The following IL1RAPL2 variants were observed in gnomAD, a reference collection of about 807,000 sequenced individuals.
IL1RAPL2 encodes the protein X-linked interleukin-1 receptor accessory protein-like 2.
Under a neutral mutation model 44.1 loss-of-function variants are expected in IL1RAPL2, and 3 were observed. That is an observed-to-expected ratio of 0.07 (90% confidence interval 0.03 to 0.18). The LOEUF (loss-of-function observed/expected upper bound fraction) is 0.18. Ranked by LOEUF, IL1RAPL2 falls within the 10% of genes least tolerant of loss-of-function variation. The probability of loss-of-function intolerance (pLI) is 1.00; values close to 1 mark genes in which losing one functional copy is unlikely to be tolerated. For missense variants in IL1RAPL2, 391 were observed against 496.4 expected, an observed-to-expected ratio of 0.79 and a Z score of 2.02; for synonymous variants, 181 against 178.8, an observed-to-expected ratio of 1.01 and a Z score of -0.10.
Position 105,748,953 on chromosome X carries a change from G to A in IL1RAPL2, c.1049-7G>A, listed in dbSNP as rs768899107. 3.7e-5 allele frequency: 44 copies of A among 1,204,435 alleles called. No homozygotes were observed. The highest frequency in any genetic ancestry group is 4.4e-5 in the Non-Finnish European group (39 of 891,726). On this transcript the variant is annotated splice_region_variant and splice_polypyrimidine_tract_variant and intron_variant, in intron 8 of 10. Coordinates refer to ENST00000372582, the MANE Select transcript of IL1RAPL2 (RefSeq NM_017416.2). The stretch of plus-strand genomic sequence containing the variant: ...TTACCTTTTCCTGTTTATTCTGTTC[G>A]CTCCAGATTTAATCTATAAAATTGA...
chrX:105,091,113 A>T (rs1227113044), intron 2 of IL1RAPL2, among the ~76,000 whole-genome samples: 1 of 112,148 alleles, frequency 8.9e-6, no homozygotes, highest in Non-Finnish European at 1.9e-5. Context: ...CTCGTATTCT[A>T]AGTAAAAGGA....
At position 105,767,688 on chromosome X, in the gene IL1RAPL2, C is replaced by T; in HGVS notation, c.*27C>T. 1 of 1,031,498 alleles carries T rather than the reference C, an allele frequency of 9.7e-7. No individual in the cohort carries two copies. The highest frequency in any genetic ancestry group is 2.0e-5 in the South Asian group (1 of 49,330). 85.0% of individuals were successfully genotyped at this position (1,031,498 alleles called of 1,213,427 possible). Reference sequence around the variant, plus strand: ...GAAAAATCTGAATTCCTCTGAACAGCTAGATAAGCATAGAGAATTTCTGTT... The same window carrying T: ...GAAAAATCTGAATTCCTCTGAACAGTTAGATAAGCATAGAGAATTTCTGTT... On this transcript the variant is annotated 3_prime_UTR_variant, in exon 11 of 11. Coordinates refer to ENST00000372582, the MANE Select transcript of IL1RAPL2 (RefSeq NM_017416.2).
chrX:105,498,708 A>G (rs1250366703), intron 6 of IL1RAPL2, among the ~76,000 whole-genome samples: 1 of 112,049 alleles, frequency 8.9e-6, no homozygotes, highest in East Asian at 2.8e-4. Context: ...GAACAACGGA[A>G]CAAAATTAAA....
At chrX:105,447,819 AATATATATAAATATATTAT>A (rs2035982474) in intron 5 of IL1RAPL2, among the ~76,000 whole-genome samples, 1 of 91,548 alleles carries the variant, frequency 1.1e-5, no homozygotes, top group African/African-American at 4.1e-5. Context: ...TAAATATATA[AATATATATAAATATATTAT>A]ACATATAAAT....
chrX:104,634,700 G>T, intron 1 of IL1RAPL2, among the ~76,000 whole-genome samples: 1 of 111,342 alleles, frequency 9.0e-6, no homozygotes, highest in Non-Finnish European at 1.9e-5. Flanking sequence ...TTGCTTGGTA[G>T]ATATTCCTCC....
chrX:105,506,774 T>C (rs1259980631), intron 6 of IL1RAPL2, among the ~76,000 whole-genome samples: 5 of 111,985 alleles, frequency 4.5e-5, no homozygotes, highest in African/African-American at 1.6e-4. Flanking sequence ...TATTTCAAAC[T>C]GAGGAGCTCT....
chrX:105,383,919 G>A (rs1425267262), intron 5 of IL1RAPL2, among the ~76,000 whole-genome samples: 1 of 111,633 alleles, frequency 9.0e-6, no homozygotes, highest in Non-Finnish European at 1.9e-5. Context: ...TTTGAAATAT[G>A]TCTATTAGGA....
chrX:105,321,555 T>G (rs6621962), intron 5 of IL1RAPL2, among the ~76,000 whole-genome samples: 1 of 111,692 alleles, frequency 9.0e-6, no homozygotes, highest in African/African-American at 3.3e-5. Context: ...GCCCTGTGCA[T>G]CTGCACAGAT....
chrX:105,239,077 A>G (rs1215691083), intron 4 of IL1RAPL2, among the ~76,000 whole-genome samples: 2 of 111,617 alleles, frequency 1.8e-5, no homozygotes, highest in African/African-American at 6.5e-5. Context: ...AATGAGCTAA[A>G]GAGTCTACTC....
chrX:104,878,784 G>T (rs950564567), intron 2 of IL1RAPL2, among the ~76,000 whole-genome samples: 3 of 111,367 alleles, frequency 2.7e-5, no homozygotes, highest in Non-Finnish European at 5.7e-5. Flanking sequence ...TTTCTGGAAG[G>T]ATAATTCTAA....
chrX:104,574,615 T>G (rs1053702942), intron 1 of IL1RAPL2, among the ~76,000 whole-genome samples: 4 of 112,362 alleles, frequency 3.6e-5, no homozygotes, highest in African/African-American at 1.3e-4. Context: ...CATTAATGTT[T>G]CATTTATACT....
At chrX:105,472,038 A>G (rs1371874212) in intron 5 of IL1RAPL2, among the ~76,000 whole-genome samples, 1 of 102,983 alleles carries the variant, frequency 9.7e-6, no homozygotes, top group Non-Finnish European at 2.0e-5. Context: ...CTAGGGAATA[A>G]TGGGATGAGG....
rs372150071 is a variant in IL1RAPL2, at chrX:104,887,630, C to A, written c.82+228635C>A. On this transcript the variant is annotated intron_variant, in intron 2 of 10. Transcript: ENST00000372582. ...TACCAGGCACTACTCCTTGAGGGAC[C>A]AGTGCTTCAAATACATACTTGTGTG... 1.6e-4 allele frequency among the ~76,000 whole-genome samples: 18 copies of A among 111,922 alleles called. No individual in the cohort carries two copies. The East Asian group carries it at 3.9e-3, about 25-fold the overall frequency.
At chrX:104,858,144 A>C (rs1474377603) in intron 2 of IL1RAPL2, among the ~76,000 whole-genome samples, 2 of 111,062 alleles carry the variant, frequency 1.8e-5, no homozygotes, top group African/African-American at 6.5e-5. Flanking sequence ...ATAAATCAAA[A>C]TGGTCTTTGA....
intron 6 of IL1RAPL2, among the ~76,000 whole-genome samples, chrX:105,597,627 C>T (rs2037221149): frequency 9.0e-6 from 1 of 111,303 alleles, no homozygotes; most frequent in Non-Finnish European, 1.9e-5. Context: ...GACCAGACGT[C>T]ATGAGGATAG....
At chrX:105,236,083 T>C (rs143160846) in intron 4 of IL1RAPL2, among the ~76,000 whole-genome samples, 2 of 112,558 alleles carry the variant, frequency 1.8e-5, no homozygotes, top group African/African-American at 6.4e-5. Flanking sequence ...TTTATTTTAA[T>C]TTTATGGTTG....
intron 1 of IL1RAPL2, among the ~76,000 whole-genome samples, chrX:104,634,927 C>T (rs767207585): frequency 9.0e-6 from 1 of 111,588 alleles, no homozygotes; most frequent in South Asian, 3.8e-4. Flanking sequence ...GATGCAGTTC[C>T]TTCCTAGCCT....
intron 2 of IL1RAPL2, among the ~76,000 whole-genome samples, chrX:104,708,070 G>T (rs1331025894): frequency 1.8e-5 from 2 of 111,550 alleles, no homozygotes; most frequent in Non-Finnish European, 3.8e-5. Context: ...CATGAGGAAT[G>T]GTCTGGATTA....
At chrX:104,635,156 T>C (rs1339724776) in intron 1 of IL1RAPL2, among the ~76,000 whole-genome samples, 1 of 111,785 alleles carries the variant, frequency 8.9e-6, no homozygotes, top group Non-Finnish European at 1.9e-5. Flanking sequence ...TCTTTAAGAA[T>C]GTTGAATATT....
Sources: gnomAD v4.1 joint callset for allele counts (sites outside exome capture counted in the v4.1 genomes callset) on GRCh38, gnomAD v4.1.1 for gene constraint, MANE v1.5 for transcripts, NCBI Gene and HGNC (gene_info 2026-07-23, HGNC 2026-07-21) for gene names.